Variants in SRGAP3 observed in about 807,000 individuals in gnomAD.
SRGAP3 encodes SLIT-ROBO Rho GTPase-activating protein 3.
A neutral mutation model predicts 121.1 loss-of-function variants in SRGAP3; 39 were observed. That is an observed-to-expected ratio of 0.32 (90% CI 0.25 to 0.42). The LOEUF (loss-of-function observed/expected upper bound fraction) is 0.42. SRGAP3 is among the 10% of genes least tolerant of loss of function. The pLI is 1.00. For synonymous variants in SRGAP3, 601 were observed against 570.0 expected (o/e 1.05, Z -0.77); for missense variants, 1,213 against 1,470.6 (o/e 0.82, Z 2.86).
At chr3:9,173,233 G>A (rs958198771) in intron 1 of SRGAP3, among the ~76,000 whole-genome samples, 3 of 152,206 alleles carry the variant, frequency 2.0e-5, no homozygotes, top group Non-Finnish European at 4.4e-5. Context: ...ACAGATGTTT[G>A]CAAGTGCTTT....
chr3:8,995,508 G>A (rs1942346463), intron 18 of SRGAP3, among the ~76,000 whole-genome samples: 2 of 152,054 alleles, frequency 1.3e-5, no homozygotes, highest in Admixed American at 6.5e-5. Context: ...TGTACAAAAG[G>A]GCATAGCTTA....
At chr3:9,070,103 T>C (rs1946631497) in intron 4 of SRGAP3, among the ~76,000 whole-genome samples, 1 of 152,234 alleles carries the variant, frequency 6.6e-6, no homozygotes, top group Non-Finnish European at 1.5e-5. Flanking sequence ...ACACATTGCC[T>C]TTTGCCTCTT....
chr3:9,189,153 T>A (rs186450269), intron 1 of SRGAP3, among the ~76,000 whole-genome samples: 136 of 152,318 alleles, frequency 8.9e-4, no homozygotes, highest in African/African-American at 3.1e-3. Context: ...CACTCAGGAT[T>A]TTATCCTACA....
chr3:9,260,876 G>A lies in SRGAP3; in HGVS notation n.442+65134C>T, dbSNP rs543136226. Among the ~76,000 whole-genome samples the A allele has an allele frequency of 4.6e-5, 7 of 152,342 alleles. No individual in the cohort carries two copies. The East Asian group carries it at 9.7e-4, about 21-fold the overall frequency. Reference sequence around the variant, plus strand: ...TAAGGGACAGACTGCATCCTCAAGCGGATCCCTGACCCCCGTGCCTCCTGA... The same window carrying A: ...TAAGGGACAGACTGCATCCTCAAGCAGATCCCTGACCCCCGTGCCTCCTGA... On this transcript the variant is annotated intron_variant and non_coding_transcript_variant, in intron 3 of 3. Coordinates refer to the SRGAP3 transcript ENST00000490889.
rs1313921351 is a variant in SRGAP3, at chr3:8,984,505, A to T, written c.*1014T>A. ...CTATAGTTACCACAGATTTATTCCT[A>T]CAGCATTTCTAGGTTTTGGAGTATT... On this transcript the variant is annotated 3_prime_UTR_variant, in exon 22 of 22. Coordinates refer to ENST00000383836, the MANE Select transcript of SRGAP3 (RefSeq NM_014850.4). 1 of 232,414 alleles carries T rather than the reference A, an allele frequency of 4.3e-6. No individual in the cohort carries two copies. Among genetic ancestry groups the T allele is most frequent in the African/African-American group, 2.2e-5 (1 of 45,300 alleles). The allele number at this position is 232,414 out of a possible 1,614,324, so 14.4% of individuals were successfully genotyped here.
chr3:9,200,897 G>C (rs1952048306), intron 1 of SRGAP3, among the ~76,000 whole-genome samples: 1 of 152,138 alleles, frequency 6.6e-6, no homozygotes, highest in Non-Finnish European at 1.5e-5. Flanking sequence ...AGCAGTACCA[G>C]TAACAGAATG....
intron 3 of SRGAP3, among the ~76,000 whole-genome samples, chr3:9,283,510 T>C (rs1346632359): frequency 6.6e-6 from 1 of 152,196 alleles, no homozygotes; most frequent in African/African-American, 2.4e-5. Context: ...CTTTAAGTAT[T>C]GGGAAGCTGT....
rs1418304795 is a variant in SRGAP3, at chr3:9,104,666, G to A, written c.423+14C>T. The A allele has an allele frequency of 2.5e-6, 4 of 1,613,962 alleles. No individual in the cohort carries two copies. Among genetic ancestry groups the A allele is most frequent in the Middle Eastern group, 1.7e-4 (1 of 6,048 alleles). ...GCAAAGACCTGGGACACGTAGAGCA[G>A]CCCACTTGCCTACCTTTTTGAAGAG... is the stretch of plus-strand genomic sequence containing the variant. On this transcript the variant is annotated intron_variant, in intron 3 of 21. Transcript: ENST00000383836.
chr3:9,101,557 C>T (rs387684), intron 3 of SRGAP3, among the ~76,000 whole-genome samples: 53,474 of 152,102 alleles, frequency 0.35, 10,398 homozygotes, highest in Non-Finnish European at 0.45. Context: ...GGTTATCACA[C>T]GGCCAGCGGG....
At chr3:9,178,728 C>T (rs1951273035) in intron 1 of SRGAP3, among the ~76,000 whole-genome samples, 3 of 152,160 alleles carry the variant, frequency 2.0e-5, no homozygotes, top group Non-Finnish European at 4.4e-5. Flanking sequence ...GGATCCCTCC[C>T]TTCTCCTACC....
chr3:9,065,278 T>A (rs73811423), intron 4 of SRGAP3: 172 of 152,158 alleles, frequency 1.1e-3, no homozygotes, highest in African/African-American at 4.1e-3. Flanking sequence ...ATAAAAAAAA[T>A]GGATATTGTT....
intron 1 of SRGAP3, among the ~76,000 whole-genome samples, chr3:9,166,162 A>G (rs1006135941): frequency 1.3e-5 from 2 of 152,134 alleles, no homozygotes; most frequent in Non-Finnish European, 2.9e-5. Context: ...TCATGTGTCT[A>G]GTCTATAACC....
chr3:9,132,892 T>C lies in SRGAP3; in HGVS notation c.68-7975A>G, dbSNP rs554175936. ...TACACAACTGAAAAGGTAGAAAGGG[T>C]ATATAAAGTTTTACTCCCACCTCTA... is the stretch of plus-strand genomic sequence containing the variant. On this transcript the variant is annotated intron_variant, in intron 1 of 21. Coordinates refer to ENST00000383836, the MANE Select transcript of SRGAP3 (RefSeq NM_014850.4). Among the ~76,000 whole-genome samples the C allele has an allele frequency of 3.6e-5, 5 of 138,602 alleles. No individual in the cohort carries two copies. In the East Asian group the frequency reaches 1.1e-3, roughly 30 times the overall value. The allele number at this position is 138,602 out of a possible 152,430, so 90.9% of individuals were successfully genotyped here.
At chr3:9,075,354 A>G (rs1052730822) in intron 4 of SRGAP3, among the ~76,000 whole-genome samples, 1 of 151,210 alleles carries the variant, frequency 6.6e-6, no homozygotes, top group Admixed American at 6.6e-5. Context: ...TGCATGTCAA[A>G]CTGCACATGC....
chr3:9,221,387 A>C (rs1952805912), intron 1 of SRGAP3, among the ~76,000 whole-genome samples: 1 of 152,128 alleles, frequency 6.6e-6, no homozygotes, highest in Admixed American at 6.5e-5. Flanking sequence ...TTTAAAAGTT[A>C]GCCAGGCCTG....
At chr3:9,123,568 G>C (rs966571782) in intron 2 of SRGAP3, among the ~76,000 whole-genome samples, 2 of 151,820 alleles carry the variant, frequency 1.3e-5, no homozygotes, top group Non-Finnish European at 2.9e-5. Flanking sequence ...TTAGTTGGGC[G>C]TGGTGGTGCA....
At chr3:9,057,522 A>G (rs1183601488) in intron 7 of SRGAP3, among the ~76,000 whole-genome samples, 1 of 152,156 alleles carries the variant, frequency 6.6e-6, no homozygotes, top group Non-Finnish European at 1.5e-5. Context: ...AGCAAATGCC[A>G]TCTTCTCGGA....
intron 1 of SRGAP3, among the ~76,000 whole-genome samples, chr3:9,244,606 A>G (rs1953759053): frequency 6.6e-6 from 1 of 152,206 alleles, no homozygotes; most frequent in Non-Finnish European, 1.5e-5. Context: ...AGATCACCAA[A>G]TATCATCAGT....
chr3:9,221,606 T>C (rs1952816963), intron 1 of SRGAP3, among the ~76,000 whole-genome samples: 1 of 152,138 alleles, frequency 6.6e-6, no homozygotes, highest in African/African-American at 2.4e-5. Flanking sequence ...GTAAAGAGCC[T>C]CCCAGTTTAA....
Sources: allele counts gnomAD v4.1 joint callset (sites outside exome capture counted in the v4.1 genomes callset), GRCh38; gene constraint gnomAD v4.1.1; transcripts MANE v1.5; gene names NCBI Gene and HGNC (gene_info 2026-07-23, HGNC 2026-07-21).